SDCCAG8: variants seen among roughly 807,000 people sequenced by gnomAD.
SDCCAG8 encodes SHH signaling and ciliogenesis regulator SDCCAG8, also known as serologically defined colon cancer antigen 8.
SDCCAG8 carries 74 observed loss-of-function variants against 101.8 expected under a neutral mutation model. The observed-to-expected ratio is 0.73, with a 90% confidence interval of 0.60 to 0.88. SDCCAG8 has a LOEUF of 0.88. SDCCAG8 is among the 40% of genes least tolerant of loss of function. The probability of loss-of-function intolerance (pLI) is 0.00; values close to 1 mark genes in which losing one functional copy is unlikely to be tolerated. For synonymous variants in SDCCAG8, 281 were observed against 292.9 expected, an observed-to-expected ratio of 0.96 and a Z score of 0.41; for missense variants, 787 against 822.6, an observed-to-expected ratio of 0.96 and a Z score of 0.53.
At chr1:243,266,206 CATT>C (rs1344528593) in intron 1 of SDCCAG8, among the ~76,000 whole-genome samples, 1 of 152,060 alleles carries the variant, frequency 6.6e-6, no homozygotes, top group African/African-American at 2.4e-5. Flanking sequence ...TGTAATACTC[CATT>C]ATTAAGTATA....
At chr1:243,373,042 C>T (rs897300009) in intron 12 of SDCCAG8, among the ~76,000 whole-genome samples, 1 of 151,354 alleles carries the variant, frequency 6.6e-6, no homozygotes, top group Non-Finnish European at 1.5e-5. Flanking sequence ...GAGCACATCA[C>T]ACATAGTAAG....
chr1:243,330,784 C>A, intron 10 of SDCCAG8, 92 bp downstream of exon 10: 1 of 1,290,604 alleles, frequency 7.7e-7, no homozygotes, highest in Non-Finnish European at 1.1e-6. Flanking sequence ...CTTGAATGAA[C>A]TTTAAATTTT....
intron 1 of SDCCAG8, chr1:243,267,742 A>C (rs1477727012): frequency 1.1e-5 from 9 of 798,842 alleles, no homozygotes; most frequent in Non-Finnish European, 2.1e-5. Context: ...CAAATCTTGG[A>C]TCCTTGGCGA....
chr1:243,491,776 C>CT (rs1205544037), intron 17 of SDCCAG8, among the ~76,000 whole-genome samples: 4 of 152,332 alleles, frequency 2.6e-5, no homozygotes, highest in South Asian at 4.1e-4. Context: ...GCCACCCTCT[C>CT]TGTTTTCCTG....
At chr1:243,303,380 A>C (rs2071738046) in intron 6 of SDCCAG8, among the ~76,000 whole-genome samples, 1 of 152,206 alleles carries the variant, frequency 6.6e-6, no homozygotes, top group Admixed American at 6.5e-5. Context: ...TAAAGAGCAT[A>C]ACAAAGTGAG....
At chr1:243,368,107 T>A (rs2077086470) in intron 12 of SDCCAG8, among the ~76,000 whole-genome samples, 1 of 151,842 alleles carries the variant, frequency 6.6e-6, no homozygotes, top group South Asian at 2.1e-4. Context: ...TCCCAGCTAC[T>A]TGGGAGACTG....
At chr1:243,378,047 T>C (rs955035148) in intron 12 of SDCCAG8, among the ~76,000 whole-genome samples, 2 of 151,976 alleles carry the variant, frequency 1.3e-5, no homozygotes, top group Non-Finnish European at 2.9e-5. Flanking sequence ...AAAATAAACC[T>C]TCATAAATTT....
At chr1:243,282,896 G>C (rs571758862) in intron 4 of SDCCAG8, among the ~76,000 whole-genome samples, 2 of 152,092 alleles carry the variant, frequency 1.3e-5, no homozygotes, top group Non-Finnish European at 2.9e-5. Flanking sequence ...GCACAGGCTG[G>C]AGTGCAGTGG....
At chr1:243,287,965 A>G (rs1480639155) in intron 5 of SDCCAG8, among the ~76,000 whole-genome samples, 1 of 152,240 alleles carries the variant, frequency 6.6e-6, no homozygotes, top group Non-Finnish European at 1.5e-5. Flanking sequence ...TGTGCTAAAC[A>G]AAACTACAGT....
chr1:243,267,908 A>G (rs924368794), intron 1 of SDCCAG8: 57 of 1,010,916 alleles, frequency 5.6e-5, no homozygotes, highest in Non-Finnish European at 8.7e-5. Context: ...GTTGGTATCA[A>G]CGAGGATGTG....
At position 243,340,941 on chromosome 1, in the gene SDCCAG8, G is replaced by A. The variant is rs915060677; in HGVS notation, c.1222-98G>A. 9.7e-6 allele frequency: 12 copies of A among 1,238,114 alleles called. No individual in the cohort carries two copies. The Admixed American group carries it at 1.7e-4, about 17-fold the overall frequency. 76.7% of individuals were successfully genotyped at this position (1,238,114 alleles called of 1,614,324 possible). A position where few individuals can be genotyped will look rare whatever the true frequency, so the allele number is the denominator to read the frequency against. Reference sequence around the variant, plus strand: ...AATCCACAGAGAAATGGCTCACAGAGCCCAGTGACTATGCTGAGACGCTAT... The same window carrying A: ...AATCCACAGAGAAATGGCTCACAGAACCCAGTGACTATGCTGAGACGCTAT... On this transcript the variant is annotated intron_variant, in intron 10 of 17. Coordinates refer to ENST00000366541, the MANE Select transcript of SDCCAG8 (RefSeq NM_006642.5).
intron 12 of SDCCAG8, among the ~76,000 whole-genome samples, chr1:243,356,645 A>G (rs1301452537): frequency 6.6e-6 from 1 of 152,130 alleles, no homozygotes; most frequent in Non-Finnish European, 1.5e-5. Context: ...AAAAACCATT[A>G]CTGGTATGAA....
At chr1:243,436,336 A>G (rs918053480) in intron 16 of SDCCAG8, among the ~76,000 whole-genome samples, 5 of 151,788 alleles carry the variant, frequency 3.3e-5, no homozygotes, top group African/African-American at 1.2e-4. Context: ...ATGTTCTCCT[A>G]TGTTATTTTC....
intron 4 of SDCCAG8, among the ~76,000 whole-genome samples, chr1:243,278,880 G>A (rs1010902492): frequency 7.2e-5 from 11 of 151,870 alleles, no homozygotes; most frequent in African/African-American, 1.7e-4. Flanking sequence ...CATCCTGGGC[G>A]CAAGTGATCC....
At chr1:243,403,128 C>A (rs534773565) in intron 13 of SDCCAG8, among the ~76,000 whole-genome samples, 1 of 152,156 alleles carries the variant, frequency 6.6e-6, no homozygotes, top group South Asian at 2.1e-4. Flanking sequence ...TGCCGGTTGC[C>A]TCATGTGGAG....
intron 6 of SDCCAG8, among the ~76,000 whole-genome samples, chr1:243,294,696 T>TCCC (rs576179320): frequency 8.7e-4 from 54 of 62,194 alleles, no homozygotes; most frequent in African/African-American, 3.1e-3. Context: ...CTTTCTAAAT[T>TCCC]CCCCCCCCCC....
chr1:243,370,956 G>A (rs1046918573), intron 12 of SDCCAG8, among the ~76,000 whole-genome samples: 2 of 152,122 alleles, frequency 1.3e-5, no homozygotes, highest in Admixed American at 6.6e-5. Context: ...TCTTAGGCTG[G>A]CGTGGAGTTC....
chr1:243,373,256 A>G (rs140219605), intron 12 of SDCCAG8, among the ~76,000 whole-genome samples: 10 of 152,190 alleles, frequency 6.6e-5, no homozygotes, highest in African/African-American at 1.9e-4. Flanking sequence ...ACAATTTTCA[A>G]TGTCTTCAAC....
intron 6 of SDCCAG8, 138 bp downstream of exon 6, chr1:243,293,357 G>A: frequency 2.3e-6 from 2 of 854,072 alleles, no homozygotes; most frequent in Non-Finnish European, 3.8e-6. Flanking sequence ...TCTGCATTAA[G>A]TACATTCATG....
Sources: allele counts gnomAD v4.1 joint callset (sites outside exome capture counted in the v4.1 genomes callset), GRCh38; gene constraint gnomAD v4.1.1; transcripts MANE v1.5; gene names NCBI Gene and HGNC (gene_info 2026-07-23, HGNC 2026-07-21).